MMP26: variants seen among roughly 807,000 people sequenced by gnomAD.
MMP26 encodes matrix metallopeptidase 26, also known as matrix metalloproteinase-26.
Under a neutral mutation model 31.0 loss-of-function variants are expected in MMP26, and 33 were observed. The ratio of observed to expected loss-of-function variants is 1.06; its 90% CI spans 0.81 to 1.42. The LOEUF is 1.42. Ranked by LOEUF, MMP26 falls within the 40% of genes most tolerant of loss-of-function variation. The pLI, the probability that MMP26 is intolerant of heterozygous loss-of-function variation, is 0.00. For synonymous variants in MMP26, 122 were observed against 114.9 expected (o/e 1.06, Z -0.40); for missense variants, 347 against 316.1 (o/e 1.10, Z -0.74).
chr11:4,821,596 A>G (rs370559499), intron 2 of MMP26: 1 of 1,613,802 alleles, frequency 6.2e-7, no homozygotes, highest in Admixed American at 1.7e-5. Context: ...GAGCCTCCAT[A>G]AGCCTATGTA....
chr11:4,769,617 C>A, intron 2 of MMP26: 2 of 1,610,988 alleles, frequency 1.2e-6, no homozygotes, highest in African/African-American at 1.4e-5. Context: ...AACATCTGGA[C>A]AATGCAGCTA....
intron 2 of MMP26, among the ~76,000 whole-genome samples, chr11:4,962,687 G>C (rs754561562): frequency 3.9e-5 from 6 of 152,144 alleles, no homozygotes; most frequent in Non-Finnish European, 8.8e-5. Context: ...TTTAGCACTT[G>C]GTTGATTTCC....
intron 2 of MMP26, chr11:4,945,029 T>C (rs561542538): frequency 6.6e-6 from 1 of 152,146 alleles, no homozygotes; most frequent in Non-Finnish European, 1.5e-5. Context: ...CTTCAATCAC[T>C]TATAGTACAC....
intron 2 of MMP26, among the ~76,000 whole-genome samples, chr11:4,808,193 C>T (rs900559862): frequency 1.3e-5 from 2 of 152,016 alleles, no homozygotes; most frequent in African/African-American, 2.4e-5. Context: ...ATGTGATCTG[C>T]ACAAGATCAC....
intron 2 of MMP26, chr11:4,821,934 C>T (rs113211514): frequency 0.036 from 57,525 of 1,613,920 alleles, 1,259 homozygotes; most frequent in Non-Finnish European, 0.041. Context: ...TGTCCTTCTG[C>T]AGTTCTATGG....
chr11:4,880,014 T>A (rs1564799157), intron 2 of MMP26, among the ~76,000 whole-genome samples: 1 of 152,098 alleles, frequency 6.6e-6, no homozygotes. Context: ...ACTGTCTGCC[T>A]CCAGGGCTAG....
At chr11:4,947,700 C>G (rs1846333126) in intron 2 of MMP26, 1 of 125,624 alleles carries the variant, frequency 8.0e-6, no homozygotes, top group South Asian at 2.4e-4. Flanking sequence ...TCTGGGATTA[C>G]TGAGTTCTCT....
At chr11:4,839,890 G>T (rs1365704502) in intron 2 of MMP26, among the ~76,000 whole-genome samples, 1 of 151,462 alleles carries the variant, frequency 6.6e-6, no homozygotes, top group Non-Finnish European at 1.5e-5. Flanking sequence ...CCCATTCCAG[G>T]ATTTGACTCT....
chr11:4,726,169 A>G (rs768910544), intron 1 of MMP26, among the ~76,000 whole-genome samples: 1 of 152,206 alleles, frequency 6.6e-6, no homozygotes, highest in Non-Finnish European at 1.5e-5. Context: ...TCTTATGACA[A>G]TATCGAATAA....
intron 2 of MMP26, among the ~76,000 whole-genome samples, chr11:4,896,039 G>GAAC (rs1850696713): frequency 6.7e-6 from 1 of 149,176 alleles, no homozygotes; most frequent in Non-Finnish European, 1.5e-5. Context: ...ACTTCCCATT[G>GAAC]AAACCTTATT....
At chr11:4,848,508 C>A (rs1849914966) in intron 2 of MMP26, 4 of 1,613,456 alleles carry the variant, frequency 2.5e-6, no homozygotes, top group African/African-American at 1.3e-5. Flanking sequence ...GGACTCCACA[C>A]CTTGCAACAC....
intron 2 of MMP26, among the ~76,000 whole-genome samples, chr11:4,845,700 C>T (rs1472105325): frequency 6.6e-6 from 1 of 152,060 alleles, no homozygotes; most frequent in East Asian, 1.9e-4. Context: ...ACCCATCTGA[C>T]AAAGGATTAA....
chr11:4,955,750 T>A (rs1179134729), intron 2 of MMP26: 2 of 1,572,972 alleles, frequency 1.3e-6, no homozygotes, highest in East Asian at 2.2e-5. Context: ...AAAATACAGA[T>A]ACACCTGACC....
chr11:4,929,964 T>A (rs1177245607), intron 2 of MMP26, among the ~76,000 whole-genome samples: 1 of 152,122 alleles, frequency 6.6e-6, no homozygotes, highest in Admixed American at 6.6e-5. Context: ...AAACAATCAA[T>A]GTTCTTGTAA....
At position 4,951,336 on chromosome 11, in the gene MMP26, T is replaced by C. The variant is rs1479661437; in HGVS notation, c.-144-36732T>C. On this transcript the variant is annotated intron_variant, in intron 2 of 7. Coordinates refer to ENST00000380390, the MANE Select transcript of MMP26 (RefSeq NM_021801.5). Reference sequence around the variant, plus strand: ...TGTCTTTGATGGCTTGATTTCTCCATGAGTCACAATTACTGCTAGGTACAA... The same window carrying C: ...TGTCTTTGATGGCTTGATTTCTCCACGAGTCACAATTACTGCTAGGTACAA... 1.6e-5 allele frequency among the ~76,000 whole-genome samples: 2 copies of C among 124,484 alleles called. 1 individual carries two copies. Among genetic ancestry groups the C allele is most frequent in the Non-Finnish European group, 3.6e-5 (2 of 54,916 alleles). The allele number at this position is 124,484 out of a possible 152,430, so 81.7% of individuals were successfully genotyped here.
chr11:4,984,194 G>A (rs1846854383), intron 2 of MMP26, among the ~76,000 whole-genome samples: 1 of 152,084 alleles, frequency 6.6e-6, no homozygotes, highest in African/African-American at 2.4e-5. Context: ...TGGCAATCCA[G>A]GCCAGTGATC....
intron 2 of MMP26, chr11:4,914,983 C>G: frequency 6.2e-7 from 1 of 1,614,066 alleles, no homozygotes; most frequent in Non-Finnish European, 8.5e-7. Context: ...GCACGGTGCG[C>G]AGGATCAGAG....
chr11:4,931,338 A>G (rs937026632), intron 2 of MMP26, among the ~76,000 whole-genome samples: 6 of 152,094 alleles, frequency 3.9e-5, no homozygotes, highest in African/African-American at 1.4e-4. Flanking sequence ...ATATGCAGGT[A>G]GTGCCTCTTT....
At chr11:4,863,223 T>C (rs1219146920) in intron 2 of MMP26, among the ~76,000 whole-genome samples, 1 of 152,154 alleles carries the variant, frequency 6.6e-6, no homozygotes, top group Admixed American at 6.6e-5. Context: ...TGTTCTACTG[T>C]CATCTTCTTT....
Sources: allele counts gnomAD v4.1 joint callset (sites outside exome capture counted in the v4.1 genomes callset), GRCh38; gene constraint gnomAD v4.1.1; transcripts MANE v1.5; gene names NCBI Gene and HGNC (gene_info 2026-07-23, HGNC 2026-07-21).